Variants in STPG2 observed in about 807,000 individuals in gnomAD.
STPG2 encodes sperm tail PG-rich repeat containing 2.
A neutral mutation model predicts 54.2 loss-of-function variants in STPG2; 56 were observed. The observed-to-expected ratio is 1.03, with a 90% CI of 0.83 to 1.29. The LOEUF (loss-of-function observed/expected upper bound fraction) is 1.29. Among genes scored for constraint, STPG2 ranks in the 50% most tolerant of loss-of-function variants. STPG2 has a pLI of 0.00. For missense variants in STPG2, 596 were observed against 544.9 expected (o/e 1.09, Z -0.93); for synonymous variants, 200 against 181.8 (o/e 1.10, Z -0.81).
intron 5 of STPG2, chr4:98,025,628 G>T: frequency 1.2e-6 from 1 of 801,600 alleles, no homozygotes; most frequent in South Asian, 1.3e-5. Context: ...ATATGCACAC[G>T]AACTGCCAAA....
At chr4:97,562,027 T>A (rs1446727449) in intron 10 of STPG2, among the ~76,000 whole-genome samples, 4 of 152,206 alleles carry the variant, frequency 2.6e-5, no homozygotes, top group Non-Finnish European at 4.4e-5. Context: ...TAAATTACAT[T>A]GGGCAGCATG....
intron 4 of STPG2, among the ~76,000 whole-genome samples, chr4:97,499,065 C>T (rs1578344983): frequency 6.6e-6 from 1 of 151,908 alleles, no homozygotes; most frequent in Admixed American, 6.6e-5. Flanking sequence ...GAGGGAGTGA[C>T]TCACGAGCCC....
At chr4:97,829,982 T>TAGCAAGACAGGCCAACAC (rs1241073236) in intron 9 of STPG2, among the ~76,000 whole-genome samples, 2 of 152,062 alleles carry the variant, frequency 1.3e-5, no homozygotes, top group Non-Finnish European at 2.9e-5. Context: ...TTCCCCAACA[T>TAGCAAGACAGGCCAACAC]AGCAAGACAG....
rs544750794 is a variant in STPG2 at position 97,723,532 on chromosome 4, T to G, written c.1205-10718A>C. Among the ~76,000 whole-genome samples, 4 of 152,322 alleles carry G rather than the reference T, an allele frequency of 2.6e-5. No homozygotes were observed. In the South Asian group the frequency reaches 8.3e-4, roughly 32 times the overall value. On this transcript the variant is annotated intron_variant, in intron 9 of 10. Coordinates refer to ENST00000295268, the MANE Select transcript of STPG2 (RefSeq NM_174952.3). ...ATTTTCTTCAAATAACTTTGTAGTT[T>G]TACCTTTCCATTTAGGTCTTTAATC...
intron 10 of STPG2, among the ~76,000 whole-genome samples, chr4:97,608,010 C>T (rs1456247591): frequency 6.6e-6 from 1 of 151,904 alleles, no homozygotes; most frequent in Admixed American, 6.6e-5. Flanking sequence ...CTTCCCATCC[C>T]TATAAAGTCC....
At chr4:97,698,554 T>C (rs769980096) in intron 10 of STPG2, among the ~76,000 whole-genome samples, 2 of 152,018 alleles carry the variant, frequency 1.3e-5, no homozygotes, top group Non-Finnish European at 2.9e-5. Context: ...GCTAGCAAAA[T>C]GTAATGTCGT....
intron 4 of STPG2, among the ~76,000 whole-genome samples, chr4:97,483,436 A>G (rs562172172): frequency 4.1e-4 from 63 of 151,856 alleles, no homozygotes; most frequent in Non-Finnish European, 8.3e-4. Flanking sequence ...CTTATGTAAG[A>G]GAAAACAAAC....
chr4:97,704,964 A>G (rs1011173840), intron 10 of STPG2, among the ~76,000 whole-genome samples: 6 of 152,160 alleles, frequency 3.9e-5, no homozygotes, highest in African/African-American at 1.4e-4. Flanking sequence ...ATATCTTAAA[A>G]TATTAAAAAA....
At chr4:97,852,325 T>C (rs1032580447) in intron 8 of STPG2, among the ~76,000 whole-genome samples, 3 of 152,202 alleles carry the variant, frequency 2.0e-5, no homozygotes, top group Non-Finnish European at 4.4e-5. Context: ...TGTATATAAA[T>C]AGGGACCATT....
intron 8 of STPG2, among the ~76,000 whole-genome samples, chr4:97,859,929 A>T (rs1323156440): frequency 6.6e-6 from 1 of 151,932 alleles, no homozygotes; most frequent in African/African-American, 2.4e-5. Context: ...ATCCAGTTTC[A>T]CTCTTCTACA....
At chr4:97,476,694 T>G (rs1364482323) in intron 4 of STPG2, among the ~76,000 whole-genome samples, 1 of 152,180 alleles carries the variant, frequency 6.6e-6, no homozygotes, top group East Asian at 1.9e-4. Flanking sequence ...CAAATTATAT[T>G]TTAGTTGAGC....
intron 8 of STPG2, among the ~76,000 whole-genome samples, chr4:97,925,977 C>A (rs1001798703): frequency 6.6e-6 from 1 of 152,098 alleles, no homozygotes; most frequent in African/African-American, 2.4e-5. Flanking sequence ...TCCATGATAC[C>A]TTAGTGTTCC....
chr4:97,561,454 A>G (rs1023921911), intron 10 of STPG2, among the ~76,000 whole-genome samples: 8 of 152,194 alleles, frequency 5.3e-5, no homozygotes, highest in African/African-American at 1.9e-4. Context: ...TAGTTTAATT[A>G]GATCTCATAT....
chr4:98,006,511 T>C (rs959573916), intron 5 of STPG2, among the ~76,000 whole-genome samples: 2 of 152,162 alleles, frequency 1.3e-5, no homozygotes, highest in Non-Finnish European at 2.9e-5. Flanking sequence ...CTGGGAAGAA[T>C]TTAGCAACCT....
intron 8 of STPG2, among the ~76,000 whole-genome samples, chr4:97,875,470 T>A (rs140289048): frequency 1.3e-4 from 20 of 151,810 alleles, no homozygotes; most frequent in African/African-American, 4.8e-4. Context: ...AAATTATAGG[T>A]AGAATATACA....
chr4:97,997,660 G>A (rs1735285730), intron 5 of STPG2, among the ~76,000 whole-genome samples: 1 of 152,150 alleles, frequency 6.6e-6, no homozygotes, highest in Admixed American at 6.6e-5. Flanking sequence ...ATACACCATG[G>A]AATACTATGC....
chr4:97,911,914 C>T (rs1044794380), intron 8 of STPG2, among the ~76,000 whole-genome samples: 1 of 152,104 alleles, frequency 6.6e-6, no homozygotes, highest in African/African-American at 2.4e-5. Context: ...TCTCCAGACA[C>T]CTCCTACAGG....
rs61607989 is a variant in STPG2 at position 98,087,171 on chromosome 4, T to C, written c.612+18782A>G. Among the ~76,000 whole-genome samples, 1,070 of 152,284 alleles carry C rather than the reference T, an allele frequency of 7.0e-3. 14 individuals carry two copies. The highest frequency in any genetic ancestry group is 0.024 in the African/African-American group (996 of 41,558). On this transcript the variant is annotated intron_variant, in intron 5 of 10. Transcript: ENST00000295268. ...ATTATTATCGTCTCATTTAAGATAATAGAATACAGGTTCCTGCTACCCAAA... is the reference window on the plus strand; with the variant it reads ...ATTATTATCGTCTCATTTAAGATAACAGAATACAGGTTCCTGCTACCCAAA...
At chr4:98,135,489 A>T (rs1027675819) in intron 1 of STPG2, among the ~76,000 whole-genome samples, 2 of 151,818 alleles carry the variant, frequency 1.3e-5, no homozygotes, top group Non-Finnish European at 3.0e-5. Flanking sequence ...AATAATTTTA[A>T]AAAAGGAAAA....
Sources: gnomAD v4.1 joint callset for allele counts (sites outside exome capture counted in the v4.1 genomes callset) on GRCh38, gnomAD v4.1.1 for gene constraint, MANE v1.5 for transcripts, NCBI Gene and HGNC (gene_info 2026-07-23, HGNC 2026-07-21) for gene names.